Variants in SLC25A1 observed in about 807,000 individuals in gnomAD.
SLC25A1 encodes the protein solute carrier family 25 member 1.
SLC25A1 carries 26 observed loss-of-function variants against 38.1 expected under a neutral mutation model. The ratio of observed to expected loss-of-function variants is 0.68; its 90% CI spans 0.50 to 0.95. The LOEUF is 0.95. SLC25A1 is among the 40% of genes least tolerant of loss of function. The pLI, the probability that SLC25A1 is intolerant of heterozygous loss-of-function variation, is 0.00. For missense variants in SLC25A1, 378 were observed against 426.6 expected, an observed-to-expected ratio of 0.89 and a Z score of 1.00; for synonymous variants, 211 against 183.2, an observed-to-expected ratio of 1.15 and a Z score of -1.23.
rs2083948618 is a variant in SLC25A1, at chr22:19,175,759, G to C, written c.*371C>G. On this transcript the variant is annotated 3_prime_UTR_variant, in exon 9 of 9. Coordinates refer to ENST00000215882, the MANE Select transcript of SLC25A1 (RefSeq NM_005984.5). ...CCGAGGCCCGGAGGCAGCTGTGGTA[G>C]GCCAGGGCAGGGTGGAAGGCACCGG... is the stretch of plus-strand genomic sequence containing the variant. 4.0e-6 allele frequency: 1 copy of C among 251,574 alleles called. No individual in the cohort carries two copies. The highest frequency in any genetic ancestry group is 7.8e-6 in the Non-Finnish European group (1 of 128,518). 15.6% of individuals were successfully genotyped at this position (251,574 alleles called of 1,614,324 possible). A position where few individuals can be genotyped will look rare whatever the true frequency, so the allele number is the denominator to read the frequency against.
intron 8 of SLC25A1, 39 bp from the exon 9 acceptor site, chr22:19,176,283 GCA>G (rs782292280): frequency 1.5e-5 from 23 of 1,570,968 alleles, no homozygotes; most frequent in African/African-American, 5.4e-5. Context: ...AGGCAGGTCA[GCA>G]CAGTGTCCCT....
At chr22:19,176,972 G>A (rs1457654666) in intron 5 of SLC25A1, 22 bp from the exon 6 acceptor site, 1 of 1,611,922 alleles carries the variant, frequency 6.2e-7, no homozygotes, top group Admixed American at 1.7e-5. Flanking sequence ...CAGGCACGGG[G>A]TTACCCTGCA....
intron 3 of SLC25A1, 30 bp downstream of exon 3, chr22:19,177,912 C>A: frequency 6.3e-7 from 1 of 1,584,726 alleles, no homozygotes; most frequent in South Asian, 1.1e-5. Context: ...CCGAGCCCCC[C>A]TCCCGCAGCA....
intron 6 of SLC25A1, 61 bp from the exon 7 acceptor site, chr22:19,176,754 C>CA: frequency 6.3e-7 from 1 of 1,594,822 alleles, no homozygotes; most frequent in Non-Finnish European, 8.6e-7. Flanking sequence ...ATCAGCACTT[C>CA]AAAAGGTGGG....
Position 19,178,208 on chromosome 22 carries a change from T to A in SLC25A1, c.127A>T (p.Thr43Ser). ...GTCTTCACGTACTCGGTGGGGAAGG[T>A]GATGCAGATCTCGATGCCACCCGCC... ...GLAGGIEICI[T>S]FPTEYVKTQL... The change falls in exon 2 of 9, where the codon ACC becomes TCC. Residue 43 changes from threonine (T) to serine (S), a missense_variant. Transcript: ENST00000215882. The surrounding 1 kb of genome is among the most constrained non-coding windows in gnomAD (Gnocchi z 4.9). The A allele has an allele frequency of 6.4e-7, 1 of 1,551,570 alleles. No individual in the cohort carries two copies. The highest frequency in any genetic ancestry group is 2.4e-5 in the East Asian group (1 of 41,004).
chr22:19,176,203 A>C lies in SLC25A1; in HGVS notation c.863T>G (p.Leu288Arg). 1 of 1,613,572 alleles carries C rather than the reference A, an allele frequency of 6.2e-7. No homozygotes were observed. Among genetic ancestry groups the C allele is most frequent in the Non-Finnish European group, 8.5e-7 (1 of 1,179,978 alleles). ...GATGACAAACACTATGGCCACATCC[A>C]GGCAGACCCGGCCCAGGCGGGGGAC... ...GTVPRLGRVC[L>R]DVAIVFVIYD... The change falls in exon 9 of 9, where the codon CTG (leucine) becomes CGG (arginine). Residue 288 changes from leucine to arginine, a missense_variant. Coordinates refer to ENST00000215882, the MANE Select transcript of SLC25A1 (RefSeq NM_005984.5).
intron 5 of SLC25A1, 31 bp downstream of exon 5, chr22:19,177,089 T>C (rs782597580): frequency 6.2e-7 from 1 of 1,609,688 alleles, no homozygotes; most frequent in Non-Finnish European, 8.5e-7. Context: ...CCCAGGTCCC[T>C]GAGCCCTATC....
rs1271892406 is a variant in SLC25A1, at chr22:19,175,683, A to G, written c.*447T>C. Reference sequence around the variant, plus strand: ...GAGGGCCCGAGGGCCAGTTAAGGCCAATGGCGGGAGAAGCAGGGGGCTGCA... The same window carrying G: ...GAGGGCCCGAGGGCCAGTTAAGGCCGATGGCGGGAGAAGCAGGGGGCTGCA... On this transcript the variant is annotated 3_prime_UTR_variant, in exon 9 of 9. Coordinates refer to ENST00000215882, the MANE Select transcript of SLC25A1 (RefSeq NM_005984.5). 9.1e-6 allele frequency: 2 copies of G among 220,358 alleles called. No homozygotes were observed. The highest frequency in any genetic ancestry group is 1.8e-5 in the Non-Finnish European group (2 of 109,690). The allele number at this position is 220,358 out of a possible 1,614,324, so 13.7% of individuals were successfully genotyped here.
rs1448130521 is a variant in SLC25A1 at position 19,178,099 on chromosome 22, G to GC, written c.202+33dup. On this transcript the variant is annotated intron_variant, in intron 2 of 8. Transcript: ENST00000215882. This position sits in a 1 kb window ranked among gnomAD's most constrained non-coding sequence, Gnocchi z 4.9. The stretch of plus-strand genomic sequence containing the variant: ...CTCGGTGCCGCCGCCCTGGGTACCC[G>GC]CCCCCCGCGGCGCCGCGGCCTCCCC... 10 of 1,531,932 alleles carry GC rather than the reference G, an allele frequency of 6.5e-6. No homozygotes were observed. The highest frequency in any genetic ancestry group is 2.5e-5 in the East Asian group (1 of 39,846). 94.9% of individuals were successfully genotyped at this position (1,531,932 alleles called of 1,614,324 possible).
chr22:19,178,410 G>T lies in SLC25A1; in HGVS notation c.94+170C>A. On this transcript the variant is annotated intron_variant, in intron 1 of 8. Coordinates refer to ENST00000215882, the MANE Select transcript of SLC25A1 (RefSeq NM_005984.5). The surrounding 1 kb of genome is among the most constrained non-coding windows in gnomAD (Gnocchi z 4.9). ...ACCCCGTTGTCCCGGCGAGGCGCAGGGGGTGACAGACGGGAGGCGGGCGAG... is the reference window on the plus strand; with the variant it reads ...ACCCCGTTGTCCCGGCGAGGCGCAGTGGGTGACAGACGGGAGGCGGGCGAG... 3 of 1,385,204 alleles carry T rather than the reference G, an allele frequency of 2.2e-6. No individual in the cohort carries two copies. The highest frequency in any genetic ancestry group is 2.8e-6 in the Non-Finnish European group (3 of 1,074,448). 85.8% of individuals were successfully genotyped at this position (1,385,204 alleles called of 1,614,324 possible). A position where few individuals can be genotyped will look rare whatever the true frequency, so the allele number is the denominator to read the frequency against.
chr22:19,177,787 G>A lies in SLC25A1; in HGVS notation c.381C>T (p.Cys127=). Residue 127 remains cysteine (C), a synonymous_variant, in exon 4 of 9, where the codon TGC becomes TGT. Transcript: ENST00000215882. The stretch of plus-strand genomic sequence containing the variant: ...CCTCGGCCACGCCAGCGCCCAGGCC[G>A]CACAGCAGCCCACGCGTGCTGTCCA... ...GRLDSTRGLL[C]GLGAGVAEAV... The A allele has an allele frequency of 6.2e-7, 1 of 1,610,514 alleles. No homozygotes were observed. Among genetic ancestry groups the A allele is most frequent in the East Asian group, 2.2e-5 (1 of 44,852 alleles).
chr22:19,177,971 G>C lies in SLC25A1; in HGVS notation c.273C>G (p.Leu91=), dbSNP rs367788882. ...LGLYRGLSSL[L]YGSIPKAAVR... is the part of the protein sequence containing the mutation. ...CGGCCGCCTTGGGGATGGAACCGTA[G>C]AGCAGGGAGCTAAGGCCGCGGTACA... Residue 91 remains leucine (L), a synonymous_variant, in exon 3 of 9, where the codon CTC becomes CTG. Transcript: ENST00000215882. 6.2e-7 allele frequency: 1 copy of C among 1,604,516 alleles called. No homozygotes were observed. Among genetic ancestry groups the C allele is most frequent in the Non-Finnish European group, 8.5e-7 (1 of 1,177,254 alleles).
Position 19,178,285 on chromosome 22 carries a change from T to C in SLC25A1, c.95-45A>G, listed in dbSNP as rs534355939. The C allele has an allele frequency of 1.6e-5, 25 of 1,539,136 alleles. No homozygotes were observed. In the East Asian group the frequency reaches 4.8e-4, roughly 29 times the overall value. ...GCTCCTGAGACTCCCGCCCGGCCGCTGGCGCTCGGGCCCCTCCCCCGTCCC... is the reference window on the plus strand; with the variant it reads ...GCTCCTGAGACTCCCGCCCGGCCGCCGGCGCTCGGGCCCCTCCCCCGTCCC... On this transcript the variant is annotated intron_variant, in intron 1 of 8. Transcript: ENST00000215882. This position sits in a 1 kb window ranked among gnomAD's most constrained non-coding sequence, Gnocchi z 4.9.
In SLC25A1 at chr22:19,178,345, G is replaced by T. The variant is rs1555923432; in HGVS notation, c.95-105C>A. The stretch of plus-strand genomic sequence containing the variant: ...TCGGCGCGGCCGCCGCGCCAGTGCC[G>T]CGGGGAACATAGGCTGGGGCCCCAC... On this transcript the variant is annotated intron_variant, in intron 1 of 8. Coordinates refer to ENST00000215882, the MANE Select transcript of SLC25A1 (RefSeq NM_005984.5). This position sits in a 1 kb window ranked among gnomAD's most constrained non-coding sequence, Gnocchi z 4.9. 1 of 1,504,984 alleles carries T rather than the reference G, an allele frequency of 6.6e-7. No homozygotes were observed. The highest frequency in any genetic ancestry group is 2.3e-5 in the Admixed American group (1 of 44,440). The allele number at this position is 1,504,984 out of a possible 1,614,324, so 93.2% of individuals were successfully genotyped here. A position where few individuals can be genotyped will look rare whatever the true frequency, so the allele number is the denominator to read the frequency against.
Position 19,178,099 on chromosome 22 carries a change from G to C in SLC25A1, c.202+34C>G. ...CTCGGTGCCGCCGCCCTGGGTACCC[G>C]CCCCCCGCGGCGCCGCGGCCTCCCC... is the stretch of plus-strand genomic sequence containing the variant. On this transcript the variant is annotated intron_variant, in intron 2 of 8. Coordinates refer to ENST00000215882, the MANE Select transcript of SLC25A1 (RefSeq NM_005984.5). This position sits in a 1 kb window ranked among gnomAD's most constrained non-coding sequence, Gnocchi z 4.9. 6.5e-7 allele frequency: 1 copy of C among 1,532,040 alleles called. No homozygotes were observed. Among genetic ancestry groups the C allele is most frequent in the Non-Finnish European group, 8.8e-7 (1 of 1,139,924 alleles). The allele number at this position is 1,532,040 out of a possible 1,614,324, so 94.9% of individuals were successfully genotyped here.
rs1819186160 is a variant in SLC25A1 at position 19,178,431 on chromosome 22, G to A, written c.94+149C>T. The A allele has an allele frequency of 5.1e-6, 7 of 1,373,650 alleles. No individual in the cohort carries two copies. The highest frequency in any genetic ancestry group is 1.5e-5 in the African/African-American group (1 of 64,896). 85.1% of individuals were successfully genotyped at this position (1,373,650 alleles called of 1,614,324 possible). On this transcript the variant is annotated intron_variant, in intron 1 of 8. Transcript: ENST00000215882. This position sits in a 1 kb window ranked among gnomAD's most constrained non-coding sequence, Gnocchi z 4.9. Reference sequence around the variant, plus strand: ...GCAGGGGGTGACAGACGGGAGGCGGGCGAGTCCCAGCGCGCCGGGTGGGGA... The same window carrying A: ...GCAGGGGGTGACAGACGGGAGGCGGACGAGTCCCAGCGCGCCGGGTGGGGA...
chr22:19,175,780 A>T lies in SLC25A1; in HGVS notation c.*350T>A. The T allele has an allele frequency of 3.2e-6, 1 of 315,642 alleles. No individual in the cohort carries two copies. The highest frequency in any genetic ancestry group is 6.1e-6 in the Non-Finnish European group (1 of 162,752). 19.6% of individuals were successfully genotyped at this position (315,642 alleles called of 1,614,324 possible). ...GGTAGGCCAGGGCAGGGTGGAAGGC[A>T]CCGGACTGGGACCGGGCCAGGGCTA... On this transcript the variant is annotated 3_prime_UTR_variant, in exon 9 of 9. Transcript: ENST00000215882.
At chr22:19,176,547 C>T (rs781941564) in intron 7 of SLC25A1, 31 bp downstream of exon 7, 2 of 1,611,674 alleles carry the variant, frequency 1.2e-6, no homozygotes, top group Non-Finnish European at 8.5e-7. Flanking sequence ...GGCCTGGTCC[C>T]CCCTTCCCCT....
rs2083979870 is a variant in SLC25A1 at position 19,177,531 on chromosome 22, G to A, written c.441+196C>T. Among the ~76,000 whole-genome samples, 3 of 152,258 alleles carry A rather than the reference G, an allele frequency of 2.0e-5. No homozygotes were observed. In the South Asian group the frequency reaches 6.2e-4, roughly 32 times the overall value. On this transcript the variant is annotated intron_variant, in intron 4 of 8. Transcript: ENST00000215882. ...TTTAAAGACTTTAAGGCTGCCTTTAGCATAGACTCAGCCTCCACGGGTGGC... is the reference window on the plus strand; with the variant it reads ...TTTAAAGACTTTAAGGCTGCCTTTAACATAGACTCAGCCTCCACGGGTGGC...
Sources: gnomAD v4.1 joint callset for allele counts (sites outside exome capture counted in the v4.1 genomes callset) on GRCh38, gnomAD v4.1.1 for gene constraint, Gnocchi (gnomAD v3.1) non-coding constraint, MANE v1.5 for transcripts, NCBI Gene and HGNC (gene_info 2026-07-23, HGNC 2026-07-21) for gene names.